The following PDK3 variants were observed in gnomAD, a reference collection of about 807,000 sequenced individuals.
The protein encoded by PDK3 is pyruvate dehydrogenase kinase, isozyme 3.
Under a neutral mutation model 32.0 loss-of-function variants are expected in PDK3, and 12 were observed. The ratio of observed to expected loss-of-function variants is 0.37; its 90% CI spans 0.24 to 0.61. PDK3 has a LOEUF of 0.61. PDK3 is among the 20% of genes least tolerant of loss of function. The probability of loss-of-function intolerance (pLI) is 0.65; values close to 1 mark genes in which losing one functional copy is unlikely to be tolerated. For synonymous variants in PDK3, 122 were observed against 116.3 expected (o/e 1.05, Z -0.31); for missense variants, 188 against 316.9 (o/e 0.59, Z 3.09).
chrX:24,525,735 T>C (rs1368525432), intron 6 of PDK3, among the ~76,000 whole-genome samples: 1 of 112,265 alleles, frequency 8.9e-6, no homozygotes, highest in Non-Finnish European at 1.9e-5. Context: ...AGATGCCTTG[T>C]TTGTCATAAT....
chrX:24,519,225 A>G (rs1358086205), intron 6 of PDK3, among the ~76,000 whole-genome samples: 1 of 110,944 alleles, frequency 9.0e-6, no homozygotes, highest in African/African-American at 3.3e-5. Flanking sequence ...AATTCTTGGA[A>G]CAGAAATAAT....
At chrX:24,511,805 G>A (rs1922125973) in intron 5 of PDK3, among the ~76,000 whole-genome samples, 2 of 103,814 alleles carry the variant, frequency 1.9e-5, no homozygotes, top group Admixed American at 1.1e-4. Flanking sequence ...CTGAGATTGC[G>A]CCATTACACT....
chrX:24,475,171 A>T (rs780423934), intron 1 of PDK3, among the ~76,000 whole-genome samples: 2 of 111,081 alleles, frequency 1.8e-5, no homozygotes, highest in Admixed American at 1.9e-4. Context: ...ACCTTTACAT[A>T]TGTAAATGAC....
chrX:24,473,937 A>G (rs1921039895), intron 1 of PDK3, among the ~76,000 whole-genome samples: 1 of 112,220 alleles, frequency 8.9e-6, no homozygotes, highest in Admixed American at 9.5e-5. Context: ...TTATATAAGA[A>G]AAGGAGAACT....
intron 6 of PDK3, among the ~76,000 whole-genome samples, chrX:24,524,304 A>G (rs1922470327): frequency 2.7e-5 from 3 of 112,228 alleles, no homozygotes; most frequent in Non-Finnish European, 3.8e-5. Flanking sequence ...AATGGACTGG[A>G]TACCATGCAG....
chrX:24,487,229 C>T (rs905951191), intron 1 of PDK3, among the ~76,000 whole-genome samples: 2 of 111,990 alleles, frequency 1.8e-5, no homozygotes, highest in African/African-American at 6.5e-5. Context: ...ATTGTTTAAC[C>T]CTAGTAAATC....
At chrX:24,532,224 C>T (rs1373091691) in intron 10 of PDK3, among the ~76,000 whole-genome samples, 1 of 110,484 alleles carries the variant, frequency 9.1e-6, no homozygotes, top group Non-Finnish European at 1.9e-5. Context: ...CAAGATGGTG[C>T]CACTGCACTC....
At chrX:24,488,744 A>G (rs1236296523) in intron 1 of PDK3, among the ~76,000 whole-genome samples, 1 of 112,119 alleles carries the variant, frequency 8.9e-6, no homozygotes, top group Non-Finnish European at 1.9e-5. Context: ...AAGGATCGTC[A>G]AACTTAGGAG....
At chrX:24,537,161 A>C (rs1283710945), downstream of PDK3, among the ~76,000 whole-genome samples, 1 of 92,566 alleles carries the variant, frequency 1.1e-5, no homozygotes, top group African/African-American at 4.1e-5. Flanking sequence ...TCTGTCACCC[A>C]GGTTGGAGTG....
chrX:24,486,571 A>C (rs1921405712), intron 1 of PDK3, among the ~76,000 whole-genome samples: 1 of 111,572 alleles, frequency 9.0e-6, no homozygotes, highest in Non-Finnish European at 1.9e-5. Flanking sequence ...TTGATAGGGA[A>C]TAAAGTGTGC....
intron 9 of PDK3, 35 bp from the exon 10 acceptor site, chrX:24,531,622 C>T (rs1602128544): frequency 4.0e-6 from 3 of 754,426 alleles, no homozygotes; most frequent in East Asian, 3.2e-5. Flanking sequence ...AGCATTTGTG[C>T]CTGTCTCACT....
chrX:24,538,173 G>A (rs1306481838), downstream of PDK3, among the ~76,000 whole-genome samples: 1 of 112,030 alleles, frequency 8.9e-6, no homozygotes, highest in African/African-American at 3.2e-5. Context: ...TTTAAACTAA[G>A]GTTTAAACTA....
chrX:24,473,400 CA>C (rs915993287), intron 1 of PDK3, among the ~76,000 whole-genome samples: 1 of 109,027 alleles, frequency 9.2e-6, no homozygotes, highest in African/African-American at 3.4e-5. Context: ...CAAACAAAAA[CA>C]AAAAAACCAA....
chrX:24,492,647 C>G (rs747833412), intron 1 of PDK3, among the ~76,000 whole-genome samples: 13 of 110,720 alleles, frequency 1.2e-4, no homozygotes, highest in African/African-American at 3.9e-4. Context: ...ATTAAACAAT[C>G]AAAAAATCAT....
intron 5 of PDK3, among the ~76,000 whole-genome samples, chrX:24,510,073 G>A (rs1459361495): frequency 8.9e-6 from 1 of 111,943 alleles, no homozygotes; most frequent in Non-Finnish European, 1.9e-5. Flanking sequence ...AGGGCAGCAC[G>A]GAGTAAAAAT....
intron 1 of PDK3, among the ~76,000 whole-genome samples, chrX:24,482,512 G>A (rs917154493): frequency 1.8e-5 from 2 of 111,833 alleles, no homozygotes; most frequent in African/African-American, 6.5e-5. Flanking sequence ...TTAAACCTAC[G>A]CTCTTTTCAG....
downstream of PDK3, among the ~76,000 whole-genome samples, chrX:24,537,121 T>C (rs371090025): frequency 4.2e-5 from 4 of 95,813 alleles, no homozygotes; most frequent in South Asian, 1.0e-3. Flanking sequence ...TCTTTTCTTT[T>C]TTTTTTTTTT....
chrX:24,530,735 CATAGA>C (rs1922630068), intron 9 of PDK3, among the ~76,000 whole-genome samples: 1 of 111,731 alleles, frequency 9.0e-6, no homozygotes, highest in Admixed American at 9.5e-5. Context: ...TGTTCTTGTC[CATAGA>C]ACACCTGTTA....
chrX:24,506,954 G>A (rs1921999551), intron 5 of PDK3, among the ~76,000 whole-genome samples: 1 of 108,989 alleles, frequency 9.2e-6, no homozygotes, highest in Non-Finnish European at 1.9e-5. Flanking sequence ...GGGACTACAG[G>A]CGCATGCCAC....
Sources: gnomAD v4.1 joint callset for allele counts (sites outside exome capture counted in the v4.1 genomes callset) on GRCh38, gnomAD v4.1.1 for gene constraint, MANE v1.5 for transcripts, NCBI Gene and HGNC (gene_info 2026-07-23, HGNC 2026-07-21) for gene names.